The following ANOS1 variants were observed in gnomAD, a reference collection of about 807,000 sequenced individuals.
ANOS1 encodes the protein anosmin 1.
In ANOS1, 6 loss-of-function variants were observed where a neutral mutation model predicts 59.0. The ratio of observed to expected loss-of-function variants is 0.10; its 90% CI spans 0.06 to 0.20. The LOEUF is 0.20. Among genes scored for constraint, ANOS1 ranks in the 10% least tolerant of loss-of-function variants. The pLI is 1.00. For synonymous variants in ANOS1, 217 were observed against 223.4 expected (o/e 0.97, Z 0.25); for missense variants, 433 against 542.3 (o/e 0.80, Z 2.00).
chrX:8,551,061 C>T (rs1042469669), intron 9 of ANOS1, among the ~76,000 whole-genome samples: 1 of 111,405 alleles, frequency 9.0e-6, no homozygotes, highest in South Asian at 3.8e-4. Context: ...CCTACCACCA[C>T]GTAAGGTATG....
At chrX:8,567,176 C>T (rs1397850821) in intron 8 of ANOS1, among the ~76,000 whole-genome samples, 1 of 112,037 alleles carries the variant, frequency 8.9e-6, no homozygotes, top group Non-Finnish European at 1.9e-5. Context: ...ATATGAGTGT[C>T]ATATAAGAAA....
intron 8 of ANOS1, among the ~76,000 whole-genome samples, chrX:8,562,885 C>T (rs754767047): frequency 1.4e-4 from 16 of 112,184 alleles, no homozygotes; most frequent in Non-Finnish European, 2.6e-4. Flanking sequence ...AAATATAATT[C>T]AAAAAGTAAT....
At chrX:8,704,082 G>A (rs894814406) in intron 1 of ANOS1, among the ~76,000 whole-genome samples, 2 of 110,934 alleles carry the variant, frequency 1.8e-5, no homozygotes, top group Admixed American at 1.9e-4. Context: ...GGTTTATAAA[G>A]GGCAGTTCCC....
intron 8 of ANOS1, among the ~76,000 whole-genome samples, chrX:8,557,232 C>T (rs1286501127): frequency 3.6e-5 from 4 of 111,921 alleles, no homozygotes; most frequent in Non-Finnish European, 3.8e-5. Flanking sequence ...TAGAAGAAAA[C>T]CTAGGCAATA....
intron 3 of ANOS1, among the ~76,000 whole-genome samples, chrX:8,611,476 A>C (rs1048259211): frequency 2.7e-5 from 3 of 110,790 alleles, no homozygotes; most frequent in African/African-American, 9.8e-5. Flanking sequence ...TGTATGTCCA[A>C]AGTTAGAGGA....
intron 6 of ANOS1, among the ~76,000 whole-genome samples, chrX:8,576,483 C>CACAT (rs1555894655): frequency 1.7e-4 from 17 of 102,340 alleles, no homozygotes; most frequent in South Asian, 1.3e-3. Flanking sequence ...CACACACACA[C>CACAT]ACACACATAC....
chrX:8,619,993 C>A (rs1363023319), intron 3 of ANOS1, among the ~76,000 whole-genome samples: 1 of 112,043 alleles, frequency 8.9e-6, no homozygotes, highest in Non-Finnish European at 1.9e-5. Flanking sequence ...ACTGCAATGG[C>A]ATGATCATAG....
At chrX:8,662,334 T>C (rs1932053190) in intron 2 of ANOS1, among the ~76,000 whole-genome samples, 1 of 111,903 alleles carries the variant, frequency 8.9e-6, no homozygotes, top group Admixed American at 9.4e-5. Context: ...TTCTTAATTT[T>C]TCAAAGGGGC....
At chrX:8,688,742 C>T (rs3992043) in intron 2 of ANOS1, among the ~76,000 whole-genome samples, 1 of 111,865 alleles carries the variant, frequency 8.9e-6, no homozygotes, top group Admixed American at 9.5e-5. Flanking sequence ...AATAGGAACC[C>T]GTTCTTTCCC....
At chrX:8,619,473 G>T (rs1376681540) in intron 3 of ANOS1, among the ~76,000 whole-genome samples, 1 of 110,850 alleles carries the variant, frequency 9.0e-6, no homozygotes, top group Non-Finnish European at 1.9e-5. Context: ...GCGTGGTGAT[G>T]CATGCTTGTA....
chrX:8,722,204 A>T (rs376481380), intron 1 of ANOS1, among the ~76,000 whole-genome samples: 11 of 111,948 alleles, frequency 9.8e-5, no homozygotes, highest in South Asian at 3.7e-4. Context: ...AGTACTTTTT[A>T]AAAAAATACA....
chrX:8,715,185 CT>C (rs1302097715), intron 1 of ANOS1, among the ~76,000 whole-genome samples: 2 of 112,016 alleles, frequency 1.8e-5, no homozygotes, highest in African/African-American at 6.5e-5. Flanking sequence ...ACTTTTTTTC[CT>C]TACACAATAT....
chrX:8,548,007 G>A (rs1380193626), intron 9 of ANOS1, among the ~76,000 whole-genome samples: 2 of 112,050 alleles, frequency 1.8e-5, no homozygotes, highest in Admixed American at 1.9e-4. Flanking sequence ...GAGCCACCGC[G>A]CCTGGCCAAT....
At chrX:8,631,363 G>C (rs1931484668) in intron 2 of ANOS1, among the ~76,000 whole-genome samples, 1 of 111,886 alleles carries the variant, frequency 8.9e-6, no homozygotes, top group Admixed American at 9.5e-5. Context: ...AACTACACAA[G>C]GGACTGCCTT....
chrX:8,730,964 G>A (rs1932970039), intron 1 of ANOS1, among the ~76,000 whole-genome samples: 2 of 111,923 alleles, frequency 1.8e-5, no homozygotes, highest in Admixed American at 1.9e-4. Flanking sequence ...ACAGGGCAGA[G>A]TCCCGGCAAC....
In ANOS1 at chrX:8,532,026, A is replaced by T. The variant is rs1929506829; in HGVS notation, c.*969T>A. On this transcript the variant is annotated 3_prime_UTR_variant, in exon 14 of 14. Transcript: ENST00000262648. ...TATCAATCAAAGGAATTTTTAAAAC[A>T]TTACCAATAATATTCTAGCACACAA... is the stretch of plus-strand genomic sequence containing the variant. 2 of 111,840 alleles carry T rather than the reference A, an allele frequency of 1.8e-5. No individual in the cohort carries two copies. The highest frequency in any genetic ancestry group is 3.2e-5 in the African/African-American group (1 of 30,816). The allele number at this position is 111,840 out of a possible 1,213,427, so 9.2% of individuals were successfully genotyped here. A position where few individuals can be genotyped will look rare whatever the true frequency, so the allele number is the denominator to read the frequency against.
At chrX:8,596,974 G>A (rs1357218979) in intron 4 of ANOS1, 60 bp downstream of exon 4, 1 of 1,204,195 alleles carries the variant, frequency 8.3e-7, no homozygotes. Context: ...CCCTTCCCTA[G>A]GCACACACAG....
intron 3 of ANOS1, among the ~76,000 whole-genome samples, chrX:8,605,890 C>T (rs1386857054): frequency 9.2e-6 from 1 of 108,413 alleles, no homozygotes; most frequent in Non-Finnish European, 1.9e-5. Context: ...CCAAATGTCT[C>T]TCTACTAAAT....
chrX:8,535,218 C>A (rs1219550367), intron 12 of ANOS1: 7 of 160,399 alleles, frequency 4.4e-5, no homozygotes, highest in Non-Finnish European at 3.5e-5. Context: ...CAACAAGCTT[C>A]TTTTAGCTAT....
Sources: allele counts gnomAD v4.1 joint callset (sites outside exome capture counted in the v4.1 genomes callset), GRCh38; gene constraint gnomAD v4.1.1; transcripts MANE v1.5; gene names NCBI Gene and HGNC (gene_info 2026-07-23, HGNC 2026-07-21).